Variants in CNGA1 observed in about 807,000 individuals in gnomAD.
The protein encoded by CNGA1 is cyclic nucleotide-gated channel alpha-1.
CNGA1 carries 53 observed loss-of-function variants against 69.7 expected under a neutral mutation model. The ratio of observed to expected loss-of-function variants is 0.76; its 90% confidence interval spans 0.61 to 0.96. The LOEUF is 0.96. Ranked by LOEUF, CNGA1 falls within the 40% of genes least tolerant of loss-of-function variation. The probability of loss-of-function intolerance (pLI) is 0.00; values close to 1 mark genes in which losing one functional copy is unlikely to be tolerated. For missense variants in CNGA1, 739 were observed against 811.2 expected, an observed-to-expected ratio of 0.91 and a Z score of 1.08; for synonymous variants, 249 against 283.5, an observed-to-expected ratio of 0.88 and a Z score of 1.22.
At chr4:47,945,441 G>A (rs1285001435) in intron 6 of CNGA1, among the ~76,000 whole-genome samples, 1 of 152,040 alleles carries the variant, frequency 6.6e-6, no homozygotes, top group African/African-American at 2.4e-5. Flanking sequence ...TACTCTGGGG[G>A]AAAAAAGAAT....
At chr4:47,958,702 C>T (rs543050155) in intron 3 of CNGA1, among the ~76,000 whole-genome samples, 44 of 152,088 alleles carry the variant, frequency 2.9e-4, no homozygotes, top group African/African-American at 9.9e-4. Flanking sequence ...TAGTTCTGTG[C>T]GTCTACCTCT....
intron 6 of CNGA1, among the ~76,000 whole-genome samples, chr4:47,945,058 T>C (rs1739310963): frequency 6.6e-6 from 1 of 151,998 alleles, no homozygotes. Flanking sequence ...GGCAACTTAC[T>C]CCATCAAAAA....
intron 1 of CNGA1, among the ~76,000 whole-genome samples, chr4:48,014,825 T>A (rs765576155): frequency 4.6e-5 from 7 of 152,184 alleles, no homozygotes; most frequent in Non-Finnish European, 1.0e-4. Flanking sequence ...ATTACTAATT[T>A]TTGATAAAGA....
chr4:47,976,314 CATATATATGTATATATATATATACACAT>C (rs1383898666), intron 3 of CNGA1, among the ~76,000 whole-genome samples: 1 of 29,248 alleles, frequency 3.4e-5, no homozygotes, highest in East Asian at 9.3e-4. Flanking sequence ...TATATATATA[CATATATATGTATATATATATATACACAT>C]ATATATATAT....
chr4:47,970,012 TCA>T (rs1445241342), intron 3 of CNGA1, among the ~76,000 whole-genome samples: 1 of 152,178 alleles, frequency 6.6e-6, no homozygotes, highest in Non-Finnish European at 1.5e-5. Flanking sequence ...AAGGAGGTTC[TCA>T]GTCAGGGTCC....
At chr4:47,994,368 C>A (rs772290079) in intron 2 of CNGA1, among the ~76,000 whole-genome samples, 2 of 151,918 alleles carry the variant, frequency 1.3e-5, no homozygotes, top group Non-Finnish European at 2.9e-5. Flanking sequence ...CAGTGTTAGG[C>A]GCATATATGT....
intron 2 of CNGA1, among the ~76,000 whole-genome samples, chr4:48,005,021 C>T (rs1224352130): frequency 2.0e-5 from 3 of 152,124 alleles, no homozygotes; most frequent in African/African-American, 7.2e-5. Context: ...AACAGGTGTA[C>T]TATAGTTTTT....
intron 3 of CNGA1, among the ~76,000 whole-genome samples, chr4:47,959,670 C>G (rs1479571436): frequency 6.6e-6 from 1 of 152,140 alleles, no homozygotes; most frequent in Non-Finnish European, 1.5e-5. Flanking sequence ...TGCAGTGGCG[C>G]CATCTCGGCT....
rs1343143724 is a variant in CNGA1 at position 47,936,642 on chromosome 4, T to G, written c.1840A>C (p.Ser614Arg). 1 of 1,614,204 alleles carries G rather than the reference T, an allele frequency of 6.2e-7. No individual in the cohort carries two copies. Among genetic ancestry groups the G allele is most frequent in the Admixed American group, 1.7e-5 (1 of 60,028 alleles). Residue 614 changes from serine (S) to arginine (R), a missense_variant, in exon 11 of 11, where the codon AGT (serine) becomes CGT (arginine). Transcript: ENST00000514170. ...TTCTCTTCAAGATCTTTAGGATCAC[T>G]GCCAGCATTTGCAATGTTTAGATCC... ...LLDLNIANAG[S>R]DPKDLEEKVT...
intron 2 of CNGA1, among the ~76,000 whole-genome samples, chr4:48,002,960 C>G (rs1359175174): frequency 6.6e-6 from 1 of 152,092 alleles, no homozygotes; most frequent in African/African-American, 2.4e-5. Flanking sequence ...AAATATCTTT[C>G]AAAGTTAGCT....
chr4:48,015,634 A>C (rs1715345743), intron 1 of CNGA1, among the ~76,000 whole-genome samples: 1 of 150,740 alleles, frequency 6.6e-6, no homozygotes. Flanking sequence ...ACAGGGTCTC[A>C]CTCTGTTGCC....
chr4:47,973,502 G>A (rs73244455), intron 3 of CNGA1, among the ~76,000 whole-genome samples: 17,254 of 152,108 alleles, frequency 0.11, 1,576 homozygotes, highest in East Asian at 0.32. Flanking sequence ...GTATGCTAGT[G>A]GTTTCCAGAG....
intron 2 of CNGA1, among the ~76,000 whole-genome samples, chr4:47,991,126 C>A (rs1366354747): frequency 1.3e-5 from 2 of 152,204 alleles, no homozygotes; most frequent in Admixed American, 1.3e-4. Context: ...CATGAGTGTG[C>A]AAGTATCCTT....
At chr4:47,946,588 C>T (rs1739409275) in intron 6 of CNGA1, among the ~76,000 whole-genome samples, 2 of 152,166 alleles carry the variant, frequency 1.3e-5, no homozygotes, top group Admixed American at 1.3e-4. Context: ...TAGTCAGGCC[C>T]TGAAATAGGA....
chr4:47,984,640 TA>T (rs1553868839), intron 2 of CNGA1, among the ~76,000 whole-genome samples: 1,102 of 103,646 alleles, frequency 0.011, 15 homozygotes, highest in African/African-American at 0.03. Context: ...AACAAACAAA[TA>T]AAAAAAATAT....
At chr4:47,962,589 T>C (rs1740511677) in intron 3 of CNGA1, among the ~76,000 whole-genome samples, 1 of 152,152 alleles carries the variant, frequency 6.6e-6, no homozygotes, top group Admixed American at 6.6e-5. Flanking sequence ...ATAAGGAATC[T>C]GGAACTCAGA....
At chr4:47,955,506 T>G (rs1715894029) in intron 3 of CNGA1, among the ~76,000 whole-genome samples, 1 of 152,152 alleles carries the variant, frequency 6.6e-6, no homozygotes, top group Non-Finnish European at 1.5e-5. Flanking sequence ...TTTTAATGAT[T>G]GGTCTATGCT....
At chr4:47,951,701 G>A (rs1239938397) in intron 4 of CNGA1, among the ~76,000 whole-genome samples, 1 of 152,104 alleles carries the variant, frequency 6.6e-6, no homozygotes, top group African/African-American at 2.4e-5. Flanking sequence ...TAGTTTCTAG[G>A]TTTTCCACAT....
At chr4:47,962,343 CAAA>C (rs34020963) in intron 3 of CNGA1, among the ~76,000 whole-genome samples, 26,433 of 126,070 alleles carry the variant, frequency 0.21, 2,524 homozygotes, top group East Asian at 0.32. Context: ...GACTCTGTCT[CAAA>C]AAAAAAAAAA....
Sources: allele counts gnomAD v4.1 joint callset (sites outside exome capture counted in the v4.1 genomes callset), GRCh38; gene constraint gnomAD v4.1.1; transcripts MANE v1.5; gene names NCBI Gene and HGNC (gene_info 2026-07-23, HGNC 2026-07-21).